The following CAMTA1 variants were observed in gnomAD, a reference collection of about 807,000 sequenced individuals.
CAMTA1 encodes calmodulin-binding transcription activator 1.
In CAMTA1, 27 loss-of-function variants were observed where a neutral mutation model predicts 170.9. The ratio of observed to expected loss-of-function variants is 0.16; its 90% confidence interval spans 0.12 to 0.22. The LOEUF (loss-of-function observed/expected upper bound fraction) is 0.22. Among genes scored for constraint, CAMTA1 ranks in the 10% least tolerant of loss-of-function variants. CAMTA1 has a pLI of 1.00. For synonymous variants in CAMTA1, 833 were observed against 891.5 expected (o/e 0.93, Z 1.17); for missense variants, 1,619 against 2,217.2 (o/e 0.73, Z 5.42).
chr1:6,996,908 A>G (rs1697347812), intron 3 of CAMTA1, among the ~76,000 whole-genome samples: 1 of 152,232 alleles, frequency 6.6e-6, no homozygotes, highest in African/African-American at 2.4e-5. Context: ...TCTATGTCTC[A>G]TGAATTTTGA....
At chr1:7,347,644 A>T (rs2084323625) in intron 5 of CAMTA1, among the ~76,000 whole-genome samples, 1 of 152,186 alleles carries the variant, frequency 6.6e-6, no homozygotes, top group African/African-American at 2.4e-5. Context: ...AGATGTGGGC[A>T]GGTGGGTTCC....
At chr1:7,031,242 G>T (rs1023837753) in intron 3 of CAMTA1, among the ~76,000 whole-genome samples, 5 of 151,940 alleles carry the variant, frequency 3.3e-5, no homozygotes, top group African/African-American at 9.7e-5. Context: ...CTTCATATAT[G>T]TTGAAGCTCT....
intron 3 of CAMTA1, among the ~76,000 whole-genome samples, chr1:6,846,543 A>G (rs1450198599): frequency 1.3e-5 from 2 of 152,260 alleles, no homozygotes; most frequent in Non-Finnish European, 2.9e-5. Context: ...TATCATTTAT[A>G]TGCAAAAACT....
At chr1:7,724,190 C>T (rs2096667707) in intron 11 of CAMTA1, among the ~76,000 whole-genome samples, 1 of 152,132 alleles carries the variant, frequency 6.6e-6, no homozygotes, top group African/African-American at 2.4e-5. Context: ...ACTAAGGAGA[C>T]TTCAAAACTA....
intron 6 of CAMTA1, among the ~76,000 whole-genome samples, chr1:7,475,032 T>C (rs2093398011): frequency 6.6e-6 from 1 of 152,204 alleles, no homozygotes; most frequent in Non-Finnish European, 1.5e-5. Flanking sequence ...TGGGGACCTC[T>C]CCACCCGGAT....
At chr1:7,349,833 A>G (rs1031517418) in intron 5 of CAMTA1, among the ~76,000 whole-genome samples, 1 of 152,156 alleles carries the variant, frequency 6.6e-6, no homozygotes, top group South Asian at 2.1e-4. Context: ...ACTCCATAAC[A>G]GTCCTGAAGC....
chr1:7,762,145 A>AT (rs2096980870), intron 22 of CAMTA1, among the ~76,000 whole-genome samples: 1 of 152,180 alleles, frequency 6.6e-6, no homozygotes, highest in Non-Finnish European at 1.5e-5. Context: ...CTCTCTCTAA[A>AT]TAAGTGGAGA....
chr1:6,904,292 G>A (rs1380755806), intron 3 of CAMTA1, among the ~76,000 whole-genome samples: 1 of 152,132 alleles, frequency 6.6e-6, no homozygotes, highest in Non-Finnish European at 1.5e-5. Context: ...GATGTTAGCT[G>A]TCCTTTTCTT....
At chr1:7,228,417 G>T (rs1218837417) in intron 4 of CAMTA1, among the ~76,000 whole-genome samples, 1 of 152,214 alleles carries the variant, frequency 6.6e-6, no homozygotes, top group Admixed American at 6.5e-5. Context: ...GTGCATGTGA[G>T]CCCTCGGCAT....
intron 6 of CAMTA1, among the ~76,000 whole-genome samples, chr1:7,568,572 AACCATCATCAACATC>A (rs1357292317): frequency 1.3e-5 from 2 of 148,430 alleles, no homozygotes; most frequent in Non-Finnish European, 3.0e-5. Flanking sequence ...CACCACCGAC[AACCATCATCAACATC>A]ACCATCATCA....
chr1:7,130,378 G>A (rs899274650), intron 4 of CAMTA1, among the ~76,000 whole-genome samples: 6 of 152,060 alleles, frequency 3.9e-5, no homozygotes, highest in African/African-American at 9.7e-5. Context: ...TCACTTGTTC[G>A]TGCATAGATT....
intron 7 of CAMTA1, 38 bp from the exon 8 acceptor site, chr1:7,661,688 C>T (rs956483935): frequency 5.6e-6 from 9 of 1,612,318 alleles, no homozygotes; most frequent in African/African-American, 5.3e-5. Flanking sequence ...CCTCTGCACC[C>T]ACGGGCTCTG....
chr1:7,305,145 C>T (rs1429942869), intron 5 of CAMTA1, among the ~76,000 whole-genome samples: 3 of 151,994 alleles, frequency 2.0e-5, no homozygotes, highest in Non-Finnish European at 4.4e-5. Flanking sequence ...TGTGCCTTCT[C>T]TGTTATATAC....
At chr1:6,804,040 T>A (rs1186049313) in intron 1 of CAMTA1, among the ~76,000 whole-genome samples, 1 of 151,968 alleles carries the variant, frequency 6.6e-6, no homozygotes, top group African/African-American at 2.4e-5. Flanking sequence ...TACAAAAAGC[T>A]GGGCATGGTG....
intron 4 of CAMTA1, among the ~76,000 whole-genome samples, chr1:7,220,472 G>A (rs1216375502): frequency 6.6e-6 from 1 of 152,114 alleles, no homozygotes; most frequent in East Asian, 1.9e-4. Context: ...TTCTCTGGGT[G>A]GATACCCCAT....
At chr1:7,698,085 C>G (rs968517018) in intron 11 of CAMTA1, among the ~76,000 whole-genome samples, 4 of 142,484 alleles carry the variant, frequency 2.8e-5, no homozygotes, top group East Asian at 2.0e-4. Flanking sequence ...CCCCCCCCCC[C>G]CCCACCAACA....
intron 11 of CAMTA1, among the ~76,000 whole-genome samples, chr1:7,704,794 C>CGGGCT (rs577832310): frequency 0.016 from 2,309 of 146,308 alleles, 56 homozygotes; most frequent in African/African-American, 0.054. Flanking sequence ...GGCGCGGGGC[C>CGGGCT]GGGCTGGGCC....
chr1:7,424,955 T>C (rs2091794392), intron 5 of CAMTA1, among the ~76,000 whole-genome samples: 1 of 151,898 alleles, frequency 6.6e-6, no homozygotes, highest in African/African-American at 2.4e-5. Context: ...TGTCCCTGCA[T>C]AGGGAGGGAG....
chr1:7,244,143 C>T (rs1203836143), intron 4 of CAMTA1, among the ~76,000 whole-genome samples: 5 of 152,134 alleles, frequency 3.3e-5, no homozygotes, highest in African/African-American at 7.2e-5. Flanking sequence ...TGAAAAAATG[C>T]TCATCATCAC....
Sources: gnomAD v4.1 joint callset for allele counts (sites outside exome capture counted in the v4.1 genomes callset) on GRCh38, gnomAD v4.1.1 for gene constraint, MANE v1.5 for transcripts, NCBI Gene and HGNC (gene_info 2026-07-23, HGNC 2026-07-21) for gene names.